Variants in ALG9 observed in about 807,000 individuals in gnomAD.
The protein encoded by ALG9 is ALG9 alpha-1,2-mannosyltransferase, also known as alpha-1,2-mannosyltransferase ALG9.
A neutral mutation model predicts 81.8 loss-of-function variants in ALG9; 55 were observed. The ratio of observed to expected loss-of-function variants is 0.67; its 90% CI spans 0.54 to 0.84. The LOEUF (loss-of-function observed/expected upper bound fraction) is 0.84, where lower values mean the gene tolerates loss of function less well. Ranked by LOEUF, ALG9 falls within the 40% of genes least tolerant of loss-of-function variation. ALG9 has a pLI of 0.00. For synonymous variants in ALG9, 278 were observed against 274.3 expected (o/e 1.01, Z -0.13); for missense variants, 629 against 745.0 (o/e 0.84, Z 1.81).
intron 8 of ALG9, among the ~76,000 whole-genome samples, chr11:111,851,364 C>T (rs1308424039): frequency 3.3e-5 from 5 of 151,388 alleles, no homozygotes; most frequent in East Asian, 1.9e-4. Flanking sequence ...CTATAATTCC[C>T]GATACTCAGG....
intron 13 of ALG9, among the ~76,000 whole-genome samples, chr11:111,817,864 C>T (rs2136528593): frequency 6.6e-6 from 1 of 151,588 alleles, no homozygotes; most frequent in Non-Finnish European, 1.5e-5. Context: ...GCAACCTCCA[C>T]CTCGCAGGTT....
chr11:111,837,650 G>A (rs1555118947), intron 11 of ALG9, 35 bp from the exon 12 acceptor site: 1 of 1,607,358 alleles, frequency 6.2e-7, no homozygotes, highest in Admixed American at 1.7e-5. Context: ...AGCCAGAGAT[G>A]AGTAAGATGA....
At chr11:111,788,559 C>T (rs1555067396) in intron 14 of ALG9, 2 of 419,542 alleles carry the variant, frequency 4.8e-6, no homozygotes, top group South Asian at 1.7e-5. Flanking sequence ...GCCTGGGCAA[C>T]AAATTGAGAC....
intron 13 of ALG9, among the ~76,000 whole-genome samples, chr11:111,817,733 A>G (rs1951715618): frequency 6.6e-6 from 1 of 151,040 alleles, no homozygotes; most frequent in Non-Finnish European, 1.5e-5. Context: ...TTTCTATGGC[A>G]GTGGGAATGA....
downstream of ALG9, among the ~76,000 whole-genome samples, chr11:111,781,318 T>C (rs1945924900): frequency 6.6e-6 from 1 of 152,194 alleles, no homozygotes; most frequent in Admixed American, 6.5e-5. Flanking sequence ...AAAAAATTTA[T>C]TCCAGCTGGG....
Position 111,826,066 on chromosome 11 carries a change from C to CAATAATAATAATAATAAT in ALG9, c.1602+10081_1602+10098dup, listed in dbSNP as rs4026118. Among the ~76,000 whole-genome samples, 1,146 of 132,648 alleles carry CAATAATAATAATAATAAT rather than the reference C, an allele frequency of 8.6e-3. 11 individuals are homozygous for CAATAATAATAATAATAAT. The highest frequency in any genetic ancestry group is 0.019 in the African/African-American group (671 of 34,786). 87.0% of individuals were successfully genotyped at this position (132,648 alleles called of 152,430 possible). On this transcript the variant is annotated intron_variant, in intron 13 of 14. Coordinates refer to ENST00000616540, the MANE Select transcript of ALG9 (RefSeq NM_024740.2). ...GGGCAACAAGAGCAAAACTCCGTCT[C>CAATAATAATAATAATAAT]AATAATAATAATAATAATAATAATA...
rs117575552 is a variant in ALG9 at position 111,802,144 on chromosome 11, C to T, written c.1733+7499G>A. ...TTCCCTCCTTACCAACTTAAGGTCA[C>T]GGTTACTCATTAGATCACTTCCCTG... On this transcript the variant is annotated intron_variant, in intron 14 of 14. Coordinates refer to ENST00000616540, the MANE Select transcript of ALG9 (RefSeq NM_024740.2). 8.7e-3 allele frequency among the ~76,000 whole-genome samples: 1,329 copies of T among 152,326 alleles called. 8 individuals are homozygous for T. Among genetic ancestry groups the T allele is most frequent in the Middle Eastern group, 0.051 (15 of 294 alleles).
At chr11:111,864,583 C>A in intron 4 of ALG9, 1 of 523,692 alleles carries the variant, frequency 1.9e-6, no homozygotes, top group Non-Finnish European at 3.5e-6. Context: ...AATATACGAA[C>A]TTCTAGTTTC....
rs182322854 is a variant in ALG9, at chr11:111,821,056, A to G, written c.1603-11283T>C. ...AACTGCAGTGAGCTATGATTGCACA[A>G]TTGCACTCCAGCCTGGGCAAGAGTG... On this transcript the variant is annotated intron_variant, in intron 13 of 14. Transcript: ENST00000616540. Among the ~76,000 whole-genome samples the G allele has an allele frequency of 1.6e-4, 25 of 152,246 alleles. 1 individual carries two copies. The East Asian group carries it at 4.8e-3, about 29-fold the overall frequency.
At chr11:111,768,842 C>CGCGTGT in the ALG9 span, 6 of 143,092 alleles carry the variant, frequency 4.2e-5, no homozygotes, top group African/African-American at 1.6e-4. Flanking sequence ...TGTGTGTGTG[C>CGCGTGT]GTGTGTGTGT....
intron 13 of ALG9, among the ~76,000 whole-genome samples, chr11:111,810,377 A>C (rs1036230298): frequency 6.6e-6 from 1 of 152,208 alleles, no homozygotes; most frequent in Admixed American, 6.5e-5. Context: ...GTATATTAAC[A>C]AAAACAGAGT....
chr11:111,825,385 G>A (rs1555107408), intron 13 of ALG9, among the ~76,000 whole-genome samples: 1 of 152,184 alleles, frequency 6.6e-6, no homozygotes, highest in Non-Finnish European at 1.5e-5. Flanking sequence ...ATAAATATGT[G>A]AGAACAATGA....
intron 13 of ALG9, among the ~76,000 whole-genome samples, chr11:111,816,440 G>A (rs969520834): frequency 2.6e-5 from 4 of 151,944 alleles, no homozygotes; most frequent in Admixed American, 1.3e-4. Context: ...GTAGAGACGG[G>A]GGTCTTGCTA....
chr11:111,817,898 C>G (rs1239265951), intron 13 of ALG9, among the ~76,000 whole-genome samples: 5 of 151,934 alleles, frequency 3.3e-5, no homozygotes, highest in African/African-American at 1.2e-4. Flanking sequence ...CCTGCCTCAG[C>G]CTCCTGAGTA....
At chr11:111,865,294 A>T (rs782784932) in intron 3 of ALG9, 43 bp from the exon 4 acceptor site, 1 of 1,460,766 alleles carries the variant, frequency 6.8e-7, no homozygotes, top group South Asian at 1.3e-5. Context: ...CACAGATATG[A>T]GCTAGAAAAA....
intron 13 of ALG9, among the ~76,000 whole-genome samples, chr11:111,813,568 A>T (rs1471773064): frequency 6.6e-6 from 1 of 152,170 alleles, no homozygotes; most frequent in Non-Finnish European, 1.5e-5. Flanking sequence ...ATTAAGAATT[A>T]AAAAAACACA....
At chr11:111,841,435 C>T (rs1448081342) in intron 9 of ALG9, among the ~76,000 whole-genome samples, 5 of 152,140 alleles carry the variant, frequency 3.3e-5, no homozygotes, top group Non-Finnish European at 7.4e-5. Flanking sequence ...ACTCCGGATC[C>T]CCAAATTGGA....
chr11:111,844,454 C>A, intron 9 of ALG9, 147 bp downstream of exon 9: 1 of 1,208,782 alleles, frequency 8.3e-7, no homozygotes, highest in South Asian at 1.3e-5. Context: ...AATGGATCAA[C>A]AAACACAGAC....
At chr11:111,772,977 G>A in the ALG9 span, among the ~76,000 whole-genome samples, 5 of 152,028 alleles carry the variant, frequency 3.3e-5, no homozygotes, top group Non-Finnish European at 7.4e-5. Flanking sequence ...GGTGGCTCAC[G>A]CCTGTAATCT....
Sources: allele counts gnomAD v4.1 joint callset (sites outside exome capture counted in the v4.1 genomes callset), GRCh38; gene constraint gnomAD v4.1.1; transcripts MANE v1.5; gene names NCBI Gene and HGNC (gene_info 2026-07-23, HGNC 2026-07-21).